Variants in CDC42BPB observed in about 807,000 individuals in gnomAD.
The protein encoded by CDC42BPB is CDC42 binding protein kinase beta.
In CDC42BPB, 37 loss-of-function variants were observed where a neutral mutation model predicts 214.9. That is an observed-to-expected ratio of 0.17 (90% CI 0.13 to 0.23). The LOEUF is 0.23. CDC42BPB is among the 10% of genes least tolerant of loss of function. The pLI is 1.00. For missense variants in CDC42BPB, 1,694 were observed against 2,227.0 expected, an observed-to-expected ratio of 0.76 and a Z score of 4.82; for synonymous variants, 931 against 884.0, an observed-to-expected ratio of 1.05 and a Z score of -0.94.
At chr14:102,952,090 G>T (rs1189327627) in intron 24 of CDC42BPB, among the ~76,000 whole-genome samples, 1 of 152,186 alleles carries the variant, frequency 6.6e-6, no homozygotes, top group Non-Finnish European at 1.5e-5. Flanking sequence ...GCTCATGCCT[G>T]TAATTCCAGC....
chr14:103,043,743 A>G (rs1037074335), intron 1 of CDC42BPB, among the ~76,000 whole-genome samples: 3 of 152,152 alleles, frequency 2.0e-5, no homozygotes, highest in African/African-American at 7.2e-5. Flanking sequence ...CTTCTTCACT[A>G]AAATAAACTA....
intron 5 of CDC42BPB, among the ~76,000 whole-genome samples, chr14:102,989,960 T>G (rs1363731666): frequency 6.6e-6 from 1 of 152,016 alleles, no homozygotes; most frequent in African/African-American, 2.4e-5. Context: ...CACCTTTTGC[T>G]TAACAAAGGA....
intron 1 of CDC42BPB, among the ~76,000 whole-genome samples, chr14:103,031,419 G>A (rs549923215): frequency 6.6e-6 from 1 of 152,218 alleles, no homozygotes; most frequent in African/African-American, 2.4e-5. Context: ...AAACTTTACG[G>A]CAAAGTCAGC....
Position 102,972,074 on chromosome 14 carries a change from A to T in CDC42BPB, c.1729T>A (p.Phe577Ile), listed in dbSNP as rs1415841205. ...GCCATGCGCTCGTTCAGCTCCGAGA[A>T]CTCCTGCAGGGCCAGCTTTCGCTGC... ...HQQRKLALQE[F>I]SELNERMAEL... Residue 577 changes from phenylalanine to isoleucine, a missense_variant, in exon 13 of 37, where the codon TTC (phenylalanine) becomes ATC (isoleucine). Physicochemically the swap from Phe to Ile is conservative, Grantham distance 21. Around this residue, in one of 7 missense-constraint regions of CDC42BPB, gnomAD observed 462 missense variants for 513.5 expected, o/e 0.90. Coordinates refer to ENST00000361246, the MANE Select transcript of CDC42BPB (RefSeq NM_006035.4). The T allele has an allele frequency of 6.2e-7, 1 of 1,614,192 alleles. No individual in the cohort carries two copies. The highest frequency in any genetic ancestry group is 1.7e-5 in the Admixed American group (1 of 60,026).
intron 26 of CDC42BPB, among the ~76,000 whole-genome samples, chr14:102,948,694 A>AG (rs1222273491): frequency 5.5e-5 from 1 of 18,198 alleles, no homozygotes; most frequent in Non-Finnish European, 1.1e-4. Flanking sequence ...TGTGGAGGTG[A>AG]GGGGGGAGCA....
chr14:103,005,839 G>A (rs967995789), intron 3 of CDC42BPB, among the ~76,000 whole-genome samples: 6 of 152,162 alleles, frequency 3.9e-5, no homozygotes, highest in Non-Finnish European at 7.4e-5. Flanking sequence ...GGCCAACATG[G>A]TGAAACCCCG....
chr14:103,040,551 C>T (rs1022247709), intron 1 of CDC42BPB, among the ~76,000 whole-genome samples: 3 of 151,856 alleles, frequency 2.0e-5, no homozygotes, highest in African/African-American at 7.3e-5. Context: ...CTCTGCCTCC[C>T]GGGTTCAGGC....
chr14:102,993,181 T>C (rs907779233), intron 5 of CDC42BPB, among the ~76,000 whole-genome samples: 1 of 152,196 alleles, frequency 6.6e-6, no homozygotes, highest in Non-Finnish European at 1.5e-5. Context: ...TTCTTGGAAG[T>C]GTCTACTATA....
chr14:102,999,350 A>G (rs968968776), intron 5 of CDC42BPB, among the ~76,000 whole-genome samples: 2 of 152,164 alleles, frequency 1.3e-5, no homozygotes, highest in African/African-American at 2.4e-5. Context: ...TTCGGCTGAC[A>G]GCAGACCATG....
intron 1 of CDC42BPB, among the ~76,000 whole-genome samples, chr14:103,044,747 GC>G (rs1888198993): frequency 6.6e-6 from 1 of 150,930 alleles, no homozygotes; most frequent in Non-Finnish European, 1.5e-5. Flanking sequence ...CTGGGCTCAA[GC>G]AATCTTCCCA....
At chr14:102,972,758 A>G (rs752060524) in intron 12 of CDC42BPB, among the ~76,000 whole-genome samples, 84 of 140,948 alleles carry the variant, frequency 6.0e-4, no homozygotes, top group Non-Finnish European at 1.1e-3. Flanking sequence ...CCACAACCAC[A>G]TGGGGGCAGC....
intron 36 of CDC42BPB, among the ~76,000 whole-genome samples, chr14:102,936,248 G>A (rs1190380991): frequency 2.0e-5 from 3 of 152,114 alleles, no homozygotes; most frequent in African/African-American, 7.2e-5. Flanking sequence ...CCACTCACAG[G>A]CATAAACCCG....
chr14:102,977,816 A>T (rs2139503518), intron 9 of CDC42BPB, among the ~76,000 whole-genome samples: 1 of 152,302 alleles, frequency 6.6e-6, no homozygotes, highest in African/African-American at 2.4e-5. Context: ...CTGCACCATC[A>T]CGAGCATGAA....
chr14:102,958,080 A>G (rs928517968), intron 21 of CDC42BPB, among the ~76,000 whole-genome samples: 2 of 152,258 alleles, frequency 1.3e-5, no homozygotes, highest in Admixed American at 6.5e-5. Flanking sequence ...TAAAGGAAAC[A>G]AAAGACTAAA....
chr14:103,000,419 C>T (rs1055888082), intron 4 of CDC42BPB, among the ~76,000 whole-genome samples: 1 of 152,266 alleles, frequency 6.6e-6, no homozygotes, highest in African/African-American at 2.4e-5. Flanking sequence ...AAAGCTCAGA[C>T]CACAAAGCCC....
chr14:103,039,075 T>C (rs1566921074), intron 1 of CDC42BPB, among the ~76,000 whole-genome samples: 2 of 151,816 alleles, frequency 1.3e-5, no homozygotes. Flanking sequence ...AAATTGACTC[T>C]TGAAGAAAGA....
intron 21 of CDC42BPB, among the ~76,000 whole-genome samples, chr14:102,958,584 C>A (rs1172595482): frequency 6.6e-6 from 1 of 152,106 alleles, no homozygotes; most frequent in East Asian, 1.9e-4. Flanking sequence ...GCTGTCCTGC[C>A]TCCACGGAAT....
chr14:102,945,801 CTCATTCACAGATACTTT>C, intron 28 of CDC42BPB, 77 bp from the exon 29 acceptor site: 1 of 1,253,666 alleles, frequency 8.0e-7, no homozygotes, highest in South Asian at 1.2e-5. Flanking sequence ...CGTGGGTGGG[CTCATTCACAGATACTTT>C]TCAACCATAT....
chr14:102,985,964 G>C (rs1894228824), intron 6 of CDC42BPB, among the ~76,000 whole-genome samples: 1 of 152,178 alleles, frequency 6.6e-6, no homozygotes, highest in Non-Finnish European at 1.5e-5. Context: ...CCGATCCGGG[G>C]GCAACCTCCT....
Sources: allele counts gnomAD v4.1 joint callset (sites outside exome capture counted in the v4.1 genomes callset), GRCh38; gene constraint gnomAD v4.1.1; regional missense constraint gnomAD v4.1.1; transcripts MANE v1.5; gene names NCBI Gene and HGNC (gene_info 2026-07-23, HGNC 2026-07-21).